TSHZ2: variants seen among roughly 807,000 people sequenced by gnomAD.
TSHZ2 encodes teashirt zinc finger homeobox 2.
A neutral mutation model predicts 74.4 loss-of-function variants in TSHZ2; 21 were observed. The ratio of observed to expected loss-of-function variants is 0.28; its 90% CI spans 0.20 to 0.41. The LOEUF (loss-of-function observed/expected upper bound fraction) is 0.41. Ranked by LOEUF, TSHZ2 falls within the 10% of genes least tolerant of loss-of-function variation. TSHZ2 has a pLI of 1.00. For synonymous variants in TSHZ2, 540 were observed against 515.3 expected (o/e 1.05, Z -0.65); for missense variants, 1,244 against 1,293.5 (o/e 0.96, Z 0.59).
chr20:52,974,189 C>T (rs1165454725), intron 1 of TSHZ2, among the ~76,000 whole-genome samples: 1 of 152,028 alleles, frequency 6.6e-6, no homozygotes, highest in Non-Finnish European at 1.5e-5. Context: ...TTTTGTTTCT[C>T]GGAAATGTAA....
At chr20:53,161,418 G>A (rs1272780957) in intron 1 of TSHZ2, among the ~76,000 whole-genome samples, 3 of 152,146 alleles carry the variant, frequency 2.0e-5, no homozygotes, top group Non-Finnish European at 4.4e-5. Flanking sequence ...CTCTGTGATA[G>A]AAAGCCTTAC....
At chr20:53,476,241 A>T (rs1269394596) in intron 2 of TSHZ2, among the ~76,000 whole-genome samples, 3 of 144,564 alleles carry the variant, frequency 2.1e-5, no homozygotes, top group African/African-American at 5.2e-5. Context: ...CTTGATGAAC[A>T]TTGATGCAAA....
At chr20:52,996,394 C>T (rs1982196500) in intron 1 of TSHZ2, among the ~76,000 whole-genome samples, 1 of 150,986 alleles carries the variant, frequency 6.6e-6, no homozygotes, top group African/African-American at 2.4e-5. Context: ...GATGAAGATG[C>T]TCATGATTTT....
intron 2 of TSHZ2, among the ~76,000 whole-genome samples, chr20:53,323,410 G>GATGAATGAATGAATGAATGA (rs56672853): frequency 0.077 from 11,671 of 150,682 alleles, 618 homozygotes; most frequent in Non-Finnish European, 0.11. Flanking sequence ...ATACTTGTTT[G>GATGAATGAATGAATGAATGA]ATGAATGAAT....
intron 1 of TSHZ2, among the ~76,000 whole-genome samples, chr20:53,131,150 G>A (rs1241093691): frequency 6.6e-6 from 1 of 152,194 alleles, no homozygotes; most frequent in African/African-American, 2.4e-5. Context: ...GAGAACTCCT[G>A]AACGTTTTGT....
intron 2 of TSHZ2, among the ~76,000 whole-genome samples, chr20:53,393,875 G>A (rs1039760436): frequency 6.6e-6 from 1 of 152,144 alleles, no homozygotes; most frequent in Non-Finnish European, 1.5e-5. Context: ...AAATGAAAGA[G>A]TTTTTAAAGT....
chr20:53,237,077 T>C (rs762904974), intron 1 of TSHZ2, among the ~76,000 whole-genome samples: 15 of 152,168 alleles, frequency 9.9e-5, no homozygotes, highest in Non-Finnish European at 2.2e-4. Context: ...ATGAAACTGA[T>C]AATATCACCT....
intron 1 of TSHZ2, among the ~76,000 whole-genome samples, chr20:53,061,610 C>T (rs1018940316): frequency 6.6e-6 from 1 of 152,122 alleles, no homozygotes; most frequent in Non-Finnish European, 1.5e-5. Context: ...AATGTGTCAC[C>T]AGTCTTGGAA....
intron 1 of TSHZ2, among the ~76,000 whole-genome samples, chr20:53,009,087 GGGAGGCCAAAGTA>G (rs1982758216): frequency 6.7e-6 from 1 of 150,002 alleles, no homozygotes; most frequent in South Asian, 2.1e-4. Flanking sequence ...CCAACAATTT[GGGAGGCCAAAGTA>G]GGAGGATTGC....
At chr20:53,444,652 G>A (rs964953305) in intron 2 of TSHZ2, among the ~76,000 whole-genome samples, 2 of 152,150 alleles carry the variant, frequency 1.3e-5, no homozygotes, top group East Asian at 1.9e-4. Context: ...GTGCAAACCC[G>A]CTGAGTCTTT....
At chr20:53,378,528 T>C (rs1981744245) in intron 2 of TSHZ2, among the ~76,000 whole-genome samples, 1 of 152,144 alleles carries the variant, frequency 6.6e-6, no homozygotes. Context: ...TTTCCCCCTG[T>C]TTCAGTGTGT....
At chr20:53,467,383 A>C (rs1008410549) in intron 2 of TSHZ2, among the ~76,000 whole-genome samples, 6 of 152,228 alleles carry the variant, frequency 3.9e-5, no homozygotes, top group African/African-American at 1.4e-4. Context: ...TGTAACACAT[A>C]AGCAGAATTT....
chr20:53,476,456 A>G (rs909465525), intron 2 of TSHZ2, among the ~76,000 whole-genome samples: 1 of 152,164 alleles, frequency 6.6e-6, no homozygotes, highest in African/African-American at 2.4e-5. Context: ...ACAAAATTCA[A>G]CAACACTTCG....
chr20:53,045,679 C>T (rs1020245618), intron 1 of TSHZ2, among the ~76,000 whole-genome samples: 1 of 152,188 alleles, frequency 6.6e-6, no homozygotes, highest in Non-Finnish European at 1.5e-5. Flanking sequence ...AACCTGGCTT[C>T]GAATCTGGGA....
At chr20:53,027,166 G>A (rs556518082) in intron 1 of TSHZ2, among the ~76,000 whole-genome samples, 1 of 152,074 alleles carries the variant, frequency 6.6e-6, no homozygotes, top group African/African-American at 2.4e-5. Context: ...ATTTTCTTGG[G>A]ATAACTTCCA....
intron 1 of TSHZ2, among the ~76,000 whole-genome samples, chr20:53,079,385 A>G (rs980355121): frequency 1.3e-5 from 2 of 152,232 alleles, no homozygotes; most frequent in Non-Finnish European, 2.9e-5. Flanking sequence ...GGGTTGCCAG[A>G]CAGTGGTTAA....
intron 1 of TSHZ2, among the ~76,000 whole-genome samples, chr20:53,081,951 A>T (rs1490007464): frequency 1.3e-5 from 2 of 149,842 alleles, no homozygotes; most frequent in Non-Finnish European, 3.0e-5. Context: ...GCTGGAGTGC[A>T]GTCAGATATT....
intron 1 of TSHZ2, among the ~76,000 whole-genome samples, chr20:53,236,722 T>C (rs1385202597): frequency 6.6e-6 from 1 of 152,224 alleles, no homozygotes; most frequent in Non-Finnish European, 1.5e-5. Context: ...CTCACAGTTC[T>C]GCATTACTTG....
At chr20:53,475,251 C>G (rs1262280534) in intron 2 of TSHZ2, among the ~76,000 whole-genome samples, 1 of 126,782 alleles carries the variant, frequency 7.9e-6, no homozygotes, top group African/African-American at 3.2e-5. Context: ...TGACCACATA[C>G]TTGGAAGTAA....
Sources: gnomAD v4.1 joint callset for allele counts (sites outside exome capture counted in the v4.1 genomes callset) on GRCh38, gnomAD v4.1.1 for gene constraint, MANE v1.5 for transcripts, NCBI Gene and HGNC (gene_info 2026-07-23, HGNC 2026-07-21) for gene names.